Variants in PGPEP1L observed in about 807,000 individuals in gnomAD.
PGPEP1L encodes pyroglutamyl-peptidase 1-like protein.
In PGPEP1L, 7 loss-of-function variants were observed where a neutral mutation model predicts 6.0. The observed-to-expected ratio is 1.17, with a 90% CI of 0.66 to 2.19. The LOEUF (loss-of-function observed/expected upper bound fraction) is 2.19. PGPEP1L is among the 30% of genes most tolerant of loss of function. The pLI is 0.00. For synonymous variants in PGPEP1L, 103 were observed against 83.9 expected (o/e 1.23, Z -1.24); for missense variants, 209 against 192.5 (o/e 1.09, Z -0.51).
chr15:98,991,249 G>C (rs577297210), intron 2 of PGPEP1L, among the ~76,000 whole-genome samples: 54 of 152,000 alleles, frequency 3.6e-4, no homozygotes, highest in Non-Finnish European at 7.4e-5. Context: ...GAATCAAATG[G>C]ATGCAATAAA....
At chr15:98,971,861 TAA>T (rs2017502206) in intron 2 of PGPEP1L, among the ~76,000 whole-genome samples, 5 of 152,340 alleles carry the variant, frequency 3.3e-5, no homozygotes, top group African/African-American at 1.2e-4. Context: ...ATAGGCAACA[TAA>T]AAAGATAAAA....
At chr15:99,006,697 C>T (rs1233980141) in intron 1 of PGPEP1L, among the ~76,000 whole-genome samples, 3 of 152,194 alleles carry the variant, frequency 2.0e-5, no homozygotes, top group Non-Finnish European at 4.4e-5. Flanking sequence ...TGCCCATAGT[C>T]CTGGCTTCTC....
At chr15:99,006,929 G>A (rs1255746718) in intron 1 of PGPEP1L, among the ~76,000 whole-genome samples, 1 of 152,190 alleles carries the variant, frequency 6.6e-6, no homozygotes, top group Non-Finnish European at 1.5e-5. Context: ...CAGGGAAGCA[G>A]GCAGAGCCTC....
intron 2 of PGPEP1L, among the ~76,000 whole-genome samples, chr15:98,991,219 CTAAT>C (rs1555472017): frequency 1.3e-5 from 2 of 151,554 alleles, no homozygotes; most frequent in Admixed American, 1.3e-4. Flanking sequence ...GCTAGCCAGA[CTAAT>C]AAAGAAAAGA....
At chr15:98,973,932 CAG>C (rs1190060115) in intron 2 of PGPEP1L, among the ~76,000 whole-genome samples, 1 of 152,006 alleles carries the variant, frequency 6.6e-6, no homozygotes, top group Non-Finnish European at 1.5e-5. Context: ...TGGGAACAAA[CAG>C]AATCAACAAG....
chr15:98,978,222 G>C (rs1200794663), intron 2 of PGPEP1L, among the ~76,000 whole-genome samples: 1 of 152,218 alleles, frequency 6.6e-6, no homozygotes, highest in Non-Finnish European at 1.5e-5. Context: ...CTTCCCTGAT[G>C]AAAGAGAAGG....
At chr15:98,995,314 T>C (rs1555472402) in intron 2 of PGPEP1L, among the ~76,000 whole-genome samples, 2 of 152,252 alleles carry the variant, frequency 1.3e-5, no homozygotes, top group East Asian at 3.8e-4. Context: ...TCTAAACTTC[T>C]ATATATGCAT....
At chr15:98,970,483 A>T (rs1156846784) in intron 3 of PGPEP1L, among the ~76,000 whole-genome samples, 1 of 141,468 alleles carries the variant, frequency 7.1e-6, no homozygotes, top group African/African-American at 2.7e-5. Context: ...CATCTGGGGC[A>T]TTGTCTGAAT....
rs1407054079 is a variant in PGPEP1L at position 98,969,717 on chromosome 15, C to G, written c.-18-66G>C. 5 of 1,508,536 alleles carry G rather than the reference C, an allele frequency of 3.3e-6. No individual in the cohort carries two copies. In the Admixed American group the frequency reaches 5.0e-5, roughly 15 times the overall value. The allele number at this position is 1,508,536 out of a possible 1,614,324, so 93.4% of individuals were successfully genotyped here. ...AGGCCCACCCTGCTCACCAAATGTGCAGAAGGGGCCACTCCTTTTGAGAGC... is the reference window on the plus strand; with the variant it reads ...AGGCCCACCCTGCTCACCAAATGTGGAGAAGGGGCCACTCCTTTTGAGAGC... On this transcript the variant is annotated intron_variant, in intron 3 of 4. Transcript: ENST00000535714.
At chr15:98,986,351 T>C (rs1244826185) in intron 2 of PGPEP1L, among the ~76,000 whole-genome samples, 1 of 152,216 alleles carries the variant, frequency 6.6e-6, no homozygotes, top group Non-Finnish European at 1.5e-5. Flanking sequence ...GGACTGAAGA[T>C]TGAGTTTAAT....
chr15:99,007,050 C>T (rs1186324016), intron 1 of PGPEP1L, among the ~76,000 whole-genome samples: 2 of 152,156 alleles, frequency 1.3e-5, no homozygotes, highest in Admixed American at 6.5e-5. Flanking sequence ...GGGATCACCC[C>T]CGCGGATTAG....
intron 2 of PGPEP1L, among the ~76,000 whole-genome samples, chr15:98,979,627 A>C (rs1168534355): frequency 4.9e-5 from 6 of 123,308 alleles, no homozygotes; most frequent in South Asian, 2.6e-4. Context: ...GGGATTGGAG[A>C]CTATTCTTTT....
chr15:99,005,407 G>A (rs1426219373), intron 2 of PGPEP1L, 22 bp downstream of exon 2: 2 of 152,568 alleles, frequency 1.3e-5, no homozygotes, highest in Non-Finnish European at 2.9e-5. Flanking sequence ...AAATAGGAGA[G>A]AAAAAAATTA....
rs57923635 is a variant in PGPEP1L, at chr15:98,987,165, CAAAAAAAAAAAAAAA to C, written c.-141-16022_-141-16008del. Reference sequence around the variant, plus strand: ...TGGGTGACAGAGTGAGACTCCATCTCAAAAAAAAAAAAAAAAAAAAAAAAAAAAAAGAGAGCCAAT... The same window carrying C: ...TGGGTGACAGAGTGAGACTCCATCTCAAAAAAAAAAAAAAAGAGAGCCAAT... On this transcript the variant is annotated intron_variant, in intron 2 of 4. Coordinates refer to ENST00000535714, the MANE Select transcript of PGPEP1L (RefSeq NM_001167902.2). Among the ~76,000 whole-genome samples, 20 of 33,396 alleles carry C rather than the reference CAAAAAAAAAAAAAAA, an allele frequency of 6.0e-4. No individual in the cohort carries two copies. The South Asian group carries it at 0.032, about 53-fold the overall frequency. 21.9% of individuals were successfully genotyped at this position (33,396 alleles called of 152,430 possible).
At chr15:99,006,040 A>AG (rs1376630594) in intron 1 of PGPEP1L, among the ~76,000 whole-genome samples, 6 of 152,192 alleles carry the variant, frequency 3.9e-5, no homozygotes, top group Non-Finnish European at 8.8e-5. Flanking sequence ...AGATGTGAGC[A>AG]GAAAAAAAAG....
intron 2 of PGPEP1L, among the ~76,000 whole-genome samples, chr15:98,990,382 G>T (rs1555471934): frequency 6.6e-6 from 1 of 152,064 alleles, no homozygotes; most frequent in Non-Finnish European, 1.5e-5. Context: ...TCACATAATG[G>T]TAAAGGGATC....
In PGPEP1L at chr15:98,971,121, AC is replaced by A; in HGVS notation, c.-105del. On this transcript the variant is annotated 5_prime_UTR_variant, in exon 3 of 5. It removes the in-frame stop codon of an upstream open reading frame in the 5' UTR. Transcript: ENST00000535714. ...AGGCAGCTCCAGAGTCCGCAGCTGC[AC>A]CACTGTTTCATTCCCCAGGCCCAGC... The A allele has an allele frequency of 3.2e-6, 5 of 1,580,466 alleles. No homozygotes were observed. Among genetic ancestry groups the A allele is most frequent in the Non-Finnish European group, 2.6e-6 (3 of 1,160,620 alleles).
chr15:98,986,220 G>C (rs1283057738), intron 2 of PGPEP1L, among the ~76,000 whole-genome samples: 1 of 152,184 alleles, frequency 6.6e-6, no homozygotes, highest in Non-Finnish European at 1.5e-5. Flanking sequence ...TCTTTCATGG[G>C]AATGAGGTGA....
chr15:98,976,099 C>T (rs562316731), intron 2 of PGPEP1L, among the ~76,000 whole-genome samples: 53 of 152,042 alleles, frequency 3.5e-4, no homozygotes, highest in African/African-American at 1.1e-3. Context: ...TTAATGAACA[C>T]AGAGTGTTAG....
Sources: gnomAD v4.1 joint callset for allele counts (sites outside exome capture counted in the v4.1 genomes callset) on GRCh38, gnomAD v4.1.1 for gene constraint, MANE v1.5 for transcripts, NCBI Gene and HGNC (gene_info 2026-07-23, HGNC 2026-07-21) for gene names.